CHM: variants seen among roughly 807,000 people sequenced by gnomAD.
CHM encodes the protein rab proteins geranylgeranyltransferase component A 1.
In CHM, 10 loss-of-function variants were observed where a neutral mutation model predicts 49.0. The ratio of observed to expected loss-of-function variants is 0.20; its 90% CI spans 0.13 to 0.35. The LOEUF (loss-of-function observed/expected upper bound fraction) is 0.35. Among genes scored for constraint, CHM ranks in the 10% least tolerant of loss-of-function variants. CHM has a pLI of 1.00. For missense variants in CHM, 455 were observed against 478.4 expected (o/e 0.95, Z 0.46); for synonymous variants, 184 against 167.5 (o/e 1.10, Z -0.76).
intron 2 of CHM, among the ~76,000 whole-genome samples, chrX:86,004,112 A>T (rs2147753152): frequency 8.9e-6 from 1 of 112,119 alleles, no homozygotes; most frequent in African/African-American, 3.2e-5. Flanking sequence ...AATATTCAAC[A>T]TTCTTAAACG....
At chrX:85,966,489 T>A (rs6617178) in intron 4 of CHM, among the ~76,000 whole-genome samples, 2 of 111,585 alleles carry the variant, frequency 1.8e-5, no homozygotes, top group East Asian at 5.6e-4. Flanking sequence ...CATAATAGCA[T>A]CGCTATTAAC....
chrX:86,001,298 C>G (rs1034139484), intron 2 of CHM, among the ~76,000 whole-genome samples: 1 of 109,144 alleles, frequency 9.2e-6, no homozygotes, highest in Non-Finnish European at 1.9e-5. Context: ...AAATCAGGAA[C>G]AGCTTAATAT....
At chrX:85,932,873 A>C (rs1928517459) in intron 8 of CHM, among the ~76,000 whole-genome samples, 1 of 112,241 alleles carries the variant, frequency 8.9e-6, no homozygotes, top group African/African-American at 3.2e-5. Context: ...AGCAGGTGCT[A>C]CACAAGATAT....
At chrX:85,958,224 A>T in intron 6 of CHM, among the ~76,000 whole-genome samples, 1 of 112,164 alleles carries the variant, frequency 8.9e-6, no homozygotes, top group Admixed American at 9.5e-5. Context: ...ATCCTAACAG[A>T]GAAAAATTTA....
At chrX:85,900,578 A>ATG (rs1926195422) in intron 11 of CHM, 68 bp downstream of exon 11, 1 of 651,152 alleles carries the variant, frequency 1.5e-6, no homozygotes, top group Admixed American at 2.6e-5. Flanking sequence ...TTAGTTCACC[A>ATG]TGTATATATA....
At chrX:85,931,284 C>T (rs1370732821) in intron 8 of CHM, among the ~76,000 whole-genome samples, 1 of 110,464 alleles carries the variant, frequency 9.1e-6, no homozygotes, top group African/African-American at 3.3e-5. Flanking sequence ...CAACCAAAAA[C>T]AGAACAGCAG....
intron 5 of CHM, among the ~76,000 whole-genome samples, chrX:85,962,832 G>A (rs5968756): frequency 9.1e-6 from 1 of 110,491 alleles, no homozygotes; most frequent in African/African-American, 3.3e-5. Context: ...AATATTGTAC[G>A]CTTCTAAGAT....
At chrX:85,977,834 A>G (rs1016179266) in intron 4 of CHM, among the ~76,000 whole-genome samples, 3 of 107,314 alleles carry the variant, frequency 2.8e-5, no homozygotes, top group African/African-American at 9.9e-5. Flanking sequence ...CAGAACACAA[A>G]CAGTATATTA....
At chrX:86,008,113 T>C (rs951686821) in intron 2 of CHM, among the ~76,000 whole-genome samples, 6 of 111,581 alleles carry the variant, frequency 5.4e-5, no homozygotes, top group African/African-American at 1.6e-4. Flanking sequence ...TGTAGGGACA[T>C]AGATGAAGCT....
chrX:85,867,780 T>C (rs1923792459), intron 14 of CHM, among the ~76,000 whole-genome samples: 1 of 112,124 alleles, frequency 8.9e-6, no homozygotes, highest in African/African-American at 3.2e-5. Context: ...TTATTACTAA[T>C]AATAACATAA....
chrX:85,968,688 C>G (rs1276760294), intron 4 of CHM, among the ~76,000 whole-genome samples: 1 of 112,055 alleles, frequency 8.9e-6, no homozygotes, highest in African/African-American at 3.2e-5. Flanking sequence ...TCCCCTTTTC[C>G]TCATGTTTAG....
intron 2 of CHM, among the ~76,000 whole-genome samples, chrX:85,995,444 A>G (rs1932396288): frequency 9.0e-6 from 1 of 110,746 alleles, no homozygotes; most frequent in South Asian, 3.8e-4. Context: ...TCACATAACT[A>G]ATCAGTGAGA....
intron 2 of CHM, among the ~76,000 whole-genome samples, chrX:85,992,131 T>G (rs1489292933): frequency 9.0e-6 from 1 of 111,462 alleles, no homozygotes; most frequent in Non-Finnish European, 1.9e-5. Flanking sequence ...ATAATACAAA[T>G]CCTGGAATCT....
At chrX:85,955,643 C>T (rs772241893) in intron 8 of CHM, among the ~76,000 whole-genome samples, 1 of 112,094 alleles carries the variant, frequency 8.9e-6, no homozygotes, top group South Asian at 3.7e-4. Flanking sequence ...TGGTACAGCC[C>T]TCTAGAGAAA....
chrX:85,974,418 A>G (rs764449619), intron 4 of CHM, among the ~76,000 whole-genome samples: 18 of 112,194 alleles, frequency 1.6e-4, no homozygotes, highest in African/African-American at 5.8e-4. Context: ...ATGGAAAGGC[A>G]CAAACTCTAG....
At chrX:85,980,349 T>A (rs992796265) in intron 3 of CHM, among the ~76,000 whole-genome samples, 25 of 112,238 alleles carry the variant, frequency 2.2e-4, no homozygotes, top group African/African-American at 7.8e-4. Context: ...CTCTCTTGAC[T>A]TACACAGTTT....
chrX:85,890,199 A>G (rs770906621), intron 12 of CHM, among the ~76,000 whole-genome samples: 25 of 112,351 alleles, frequency 2.2e-4, no homozygotes, highest in Non-Finnish European at 3.9e-4. Context: ...CTAAACTAAA[A>G]ATGGAAATTT....
chrX:86,021,157 T>TAC (rs1555967773), intron 2 of CHM, among the ~76,000 whole-genome samples: 306 of 51,099 alleles, frequency 6.0e-3, no homozygotes, highest in Non-Finnish European at 8.5e-3. Context: ...TATATATATA[T>TAC]ACACGTATAT....
chrX:86,041,044 TTG>T (rs1442477876), intron 1 of CHM, among the ~76,000 whole-genome samples: 1 of 112,339 alleles, frequency 8.9e-6, no homozygotes, highest in African/African-American at 3.2e-5. Context: ...GGAATTATAA[TTG>T]TTTCTGTGCA....
Sources: gnomAD v4.1 joint callset for allele counts (sites outside exome capture counted in the v4.1 genomes callset) on GRCh38, gnomAD v4.1.1 for gene constraint, MANE v1.5 for transcripts, NCBI Gene and HGNC (gene_info 2026-07-23, HGNC 2026-07-21) for gene names.